Variants in RAD51B observed in about 807,000 individuals in gnomAD.
The protein encoded by RAD51B is DNA repair protein RAD51 homolog 2.
Under a neutral mutation model 42.2 loss-of-function variants are expected in RAD51B, and 38 were observed. The ratio of observed to expected loss-of-function variants is 0.90; its 90% CI spans 0.70 to 1.18. The LOEUF (loss-of-function observed/expected upper bound fraction) is 1.18. Ranked by LOEUF, RAD51B falls within the 50% of genes most tolerant of loss-of-function variation. The pLI, the probability that RAD51B is intolerant of heterozygous loss-of-function variation, is 0.00. For synonymous variants in RAD51B, 154 were observed against 145.2 expected (o/e 1.06, Z -0.43); for missense variants, 373 against 400.7 (o/e 0.93, Z 0.59).
intron 11 of RAD51B, among the ~76,000 whole-genome samples, chr14:68,672,601 G>C (rs1353829750): frequency 6.6e-6 from 1 of 152,120 alleles, no homozygotes; most frequent in Non-Finnish European, 1.5e-5. Context: ...ACAAAGGGTG[G>C]GAACCTAAAA....
chr14:68,276,115 T>C (rs2081219175), intron 7 of RAD51B, among the ~76,000 whole-genome samples: 1 of 152,318 alleles, frequency 6.6e-6, no homozygotes, highest in East Asian at 1.9e-4. Context: ...GCTGTTATTA[T>C]AGAAAGAGAC....
At chr14:68,280,033 G>A (rs1037724510) in intron 7 of RAD51B, among the ~76,000 whole-genome samples, 5 of 152,080 alleles carry the variant, frequency 3.3e-5, no homozygotes, top group Admixed American at 1.3e-4. Context: ...TGAAACTCTC[G>A]TCATCACATT....
chr14:68,088,726 G>C (rs1213923020), intron 7 of RAD51B, among the ~76,000 whole-genome samples: 1 of 151,658 alleles, frequency 6.6e-6, no homozygotes, highest in African/African-American at 2.4e-5. Flanking sequence ...AATGGTGTCT[G>C]GGGTAATTGT....
chr14:68,519,948 T>G (rs942645119), intron 10 of RAD51B, among the ~76,000 whole-genome samples: 2 of 152,208 alleles, frequency 1.3e-5, no homozygotes, highest in Non-Finnish European at 2.9e-5. Flanking sequence ...TTTGCCTAGA[T>G]GTAAAACAGA....
chr14:68,650,500 G>A (rs939049553), intron 10 of RAD51B, among the ~76,000 whole-genome samples: 1 of 152,178 alleles, frequency 6.6e-6, no homozygotes, highest in Non-Finnish European at 1.5e-5. Context: ...TGAGAGCTTA[G>A]ACTTCAAATT....
intron 7 of RAD51B, among the ~76,000 whole-genome samples, chr14:67,892,502 TAGC>T (rs2043250559): frequency 6.6e-6 from 1 of 152,196 alleles, no homozygotes; most frequent in Non-Finnish European, 1.5e-5. Flanking sequence ...TTAATTCAGC[TAGC>T]ATGGGTTACT....
intron 7 of RAD51B, among the ~76,000 whole-genome samples, chr14:67,934,046 G>A (rs2044840380): frequency 1.3e-5 from 2 of 152,236 alleles, no homozygotes; most frequent in South Asian, 4.1e-4. Context: ...GATGTGAAAG[G>A]AAATGGGTTC....
intron 7 of RAD51B, among the ~76,000 whole-genome samples, chr14:68,167,789 C>T (rs1285646715): frequency 6.6e-6 from 1 of 152,082 alleles, no homozygotes; most frequent in Non-Finnish European, 1.5e-5. Context: ...TATTAGAGTT[C>T]TGATATTCTA....
intron 7 of RAD51B, among the ~76,000 whole-genome samples, chr14:67,927,269 T>C (rs1430331037): frequency 6.6e-6 from 1 of 152,214 alleles, no homozygotes; most frequent in Non-Finnish European, 1.5e-5. Context: ...TGTGAGAGTT[T>C]GCTGCATGCA....
At chr14:68,190,571 A>G (rs977940230) in intron 7 of RAD51B, among the ~76,000 whole-genome samples, 1 of 152,130 alleles carries the variant, frequency 6.6e-6, no homozygotes, top group African/African-American at 2.4e-5. Flanking sequence ...TCCATTAATT[A>G]ATCAATAAGC....
At chr14:68,592,422 T>C (rs1056744083) in intron 10 of RAD51B, among the ~76,000 whole-genome samples, 3 of 152,180 alleles carry the variant, frequency 2.0e-5, no homozygotes, top group Admixed American at 6.5e-5. Flanking sequence ...TGTTGAGATC[T>C]TTTTCTGGGC....
chr14:68,370,713 A>G (rs2083236292), intron 8 of RAD51B, among the ~76,000 whole-genome samples: 1 of 152,178 alleles, frequency 6.6e-6, no homozygotes, highest in African/African-American at 2.4e-5. Context: ...ATTCCTTACA[A>G]AATCTGCAAA....
chr14:67,882,321 G>A (rs985268806), intron 5 of RAD51B, among the ~76,000 whole-genome samples: 21 of 152,010 alleles, frequency 1.4e-4, no homozygotes, highest in African/African-American at 4.8e-4. Flanking sequence ...CTACCTTCTT[G>A]GTCACCTCCT....
At chr14:68,259,381 A>C (rs983112907) in intron 7 of RAD51B, among the ~76,000 whole-genome samples, 9 of 152,112 alleles carry the variant, frequency 5.9e-5, no homozygotes, top group African/African-American at 2.2e-4. Flanking sequence ...CAGCATACCA[A>C]CATGGCACAT....
At chr14:68,354,123 T>G (rs1312897000) in intron 8 of RAD51B, among the ~76,000 whole-genome samples, 1 of 152,226 alleles carries the variant, frequency 6.6e-6, no homozygotes, top group East Asian at 1.9e-4. Context: ...TATAGTCATA[T>G]GGTCACTGTT....
intron 10 of RAD51B, among the ~76,000 whole-genome samples, chr14:68,509,753 C>T (rs1297775120): frequency 1.3e-5 from 2 of 152,216 alleles, no homozygotes; most frequent in Admixed American, 1.3e-4. Flanking sequence ...TTGCAGGCCA[C>T]AGGGTCTCTA....
intron 7 of RAD51B, among the ~76,000 whole-genome samples, chr14:68,054,943 C>T (rs984581032): frequency 1.3e-5 from 2 of 152,090 alleles, no homozygotes; most frequent in Non-Finnish European, 2.9e-5. Context: ...CAGCTGGTGT[C>T]TACTAAAGAA....
chr14:68,599,646 G>A (rs886912391), downstream of RAD51B, among the ~76,000 whole-genome samples: 1 of 152,208 alleles, frequency 6.6e-6, no homozygotes, highest in Non-Finnish European at 1.5e-5. Context: ...CAGCTCAGTG[G>A]AAATGTTATT....
chr14:68,379,716 C>T (rs2083441941), intron 8 of RAD51B, among the ~76,000 whole-genome samples: 1 of 152,170 alleles, frequency 6.6e-6, no homozygotes, highest in African/African-American at 2.4e-5. Context: ...GAGATTTTGT[C>T]CATTCCTCCC....
Sources: allele counts gnomAD v4.1 joint callset (sites outside exome capture counted in the v4.1 genomes callset), GRCh38; gene constraint gnomAD v4.1.1; transcripts MANE v1.5; gene names NCBI Gene and HGNC (gene_info 2026-07-23, HGNC 2026-07-21).